LOC128462377: variants seen among roughly 807,000 people sequenced by gnomAD.
At chr16:89,366,160 C>T in the LOC128462377 span, among the ~76,000 whole-genome samples, 2 of 147,594 alleles carry the variant, frequency 1.4e-5, no homozygotes, top group African/African-American at 5.0e-5. Context: ...AAGACATGAT[C>T]TCATTCTTTT....
chr16:89,359,469 C>T, the LOC128462377 span, among the ~76,000 whole-genome samples: 5 of 152,192 alleles, frequency 3.3e-5, no homozygotes, highest in East Asian at 9.6e-4. Context: ...TGCAGCCCCT[C>T]GGCCCCCACT....
At chr16:89,401,100 CCTCCCCCTCCCCAGAGGGAGTCTTGTT>C in the LOC128462377 span, among the ~76,000 whole-genome samples, 1 of 148,994 alleles carries the variant, frequency 6.7e-6, no homozygotes, top group South Asian at 2.2e-4. Context: ...CCCCACCCGC[CCTCCCCCTCCCCAGAGGGAGTCTTGTT>C]CTGCTGCTCA....
chr16:89,355,865 G>A, the LOC128462377 span, among the ~76,000 whole-genome samples: 6 of 152,294 alleles, frequency 3.9e-5, no homozygotes, highest in Non-Finnish European at 4.4e-5. Flanking sequence ...CAGAGTGACC[G>A]ATGAGATAAA....
At chr16:89,330,655 A>G in the LOC128462377 span, among the ~76,000 whole-genome samples, 1 of 3,478 alleles carries the variant, frequency 2.9e-4, no homozygotes, top group Non-Finnish European at 6.1e-4. Flanking sequence ...CAGTACAGTG[A>G]CTGGGGGGGG....
chr16:89,357,363 G>A, the LOC128462377 span, among the ~76,000 whole-genome samples: 1 of 152,146 alleles, frequency 6.6e-6, no homozygotes, highest in Non-Finnish European at 1.5e-5. Flanking sequence ...CACCTCACAG[G>A]GAACCAGGGG....
chr16:89,406,225 G>T, the LOC128462377 span, among the ~76,000 whole-genome samples: 1 of 151,996 alleles, frequency 6.6e-6, no homozygotes, highest in Non-Finnish European at 1.5e-5. Flanking sequence ...TTGGTGCTGT[G>T]AGCAAGGGGC....
the LOC128462377 span, among the ~76,000 whole-genome samples, chr16:89,355,811 C>T: frequency 1.3e-5 from 2 of 152,324 alleles, no homozygotes; most frequent in East Asian, 1.9e-4. Context: ...CGGCGGTTCA[C>T]GGCAAGGGTC....
the LOC128462377 span, among the ~76,000 whole-genome samples, chr16:89,334,169 A>AAAAC: frequency 2.2e-4 from 24 of 107,356 alleles, 5 homozygotes; most frequent in Admixed American, 5.9e-4. Flanking sequence ...AAAAAAAAAA[A>AAAAC]AAAACAGAGA....
chr16:89,333,712 T>C, the LOC128462377 span, among the ~76,000 whole-genome samples: 2 of 152,216 alleles, frequency 1.3e-5, no homozygotes, highest in African/African-American at 2.4e-5. Flanking sequence ...TGGACCTTGG[T>C]TGACTGATCC....
the LOC128462377 span, among the ~76,000 whole-genome samples, chr16:89,374,052 CG>C: frequency 6.6e-6 from 1 of 152,218 alleles, no homozygotes; most frequent in African/African-American, 2.4e-5. Flanking sequence ...GGAGACAACA[CG>C]CAAGTGTGAG....
At chr16:89,372,354 G>A in the LOC128462377 span, among the ~76,000 whole-genome samples, 16 of 152,166 alleles carry the variant, frequency 1.1e-4, no homozygotes, top group African/African-American at 3.6e-4. Flanking sequence ...GCCTGCCGCC[G>A]GTGTGGAGAG....
chr16:89,332,024 T>G, the LOC128462377 span, among the ~76,000 whole-genome samples: 2 of 152,114 alleles, frequency 1.3e-5, no homozygotes, highest in Non-Finnish European at 2.9e-5. Flanking sequence ...CAGTGGCTGA[T>G]GCCTCTAATC....
the LOC128462377 span, among the ~76,000 whole-genome samples, chr16:89,340,721 G>C: frequency 6.6e-6 from 1 of 152,170 alleles, no homozygotes; most frequent in Non-Finnish European, 1.5e-5. Context: ...ATAAACTCAA[G>C]TGCTAACAGG....
At chr16:89,379,696 G>C in the LOC128462377 span, among the ~76,000 whole-genome samples, 32 of 152,354 alleles carry the variant, frequency 2.1e-4, no homozygotes, top group South Asian at 6.4e-3. Flanking sequence ...AAGCAGCACG[G>C]AAGAGCTCCG....
the LOC128462377 span, among the ~76,000 whole-genome samples, chr16:89,381,017 G>C: frequency 3.9e-5 from 6 of 152,054 alleles, no homozygotes; most frequent in Admixed American, 2.0e-4. Flanking sequence ...GTAAACAATC[G>C]ATCCAAAAAG....
the LOC128462377 span, among the ~76,000 whole-genome samples, chr16:89,407,577 T>C: frequency 6.6e-6 from 1 of 152,132 alleles, no homozygotes; most frequent in Non-Finnish European, 1.5e-5. Context: ...TCCAAGCACT[T>C]TGGGAGGCCG....
the LOC128462377 span, among the ~76,000 whole-genome samples, chr16:89,370,255 G>A: frequency 1.9e-4 from 29 of 152,354 alleles, no homozygotes; most frequent in East Asian, 4.8e-3. Context: ...TGGCCAGCCT[G>A]CACTTTAGTG....
the LOC128462377 span, among the ~76,000 whole-genome samples, chr16:89,416,548 T>C: frequency 6.6e-6 from 1 of 152,170 alleles, no homozygotes; most frequent in Non-Finnish European, 1.5e-5. Flanking sequence ...TCCACCCACC[T>C]TGACATCTCA....
At chr16:89,336,289 A>T in the LOC128462377 span, among the ~76,000 whole-genome samples, 1 of 152,180 alleles carries the variant, frequency 6.6e-6, no homozygotes, top group Non-Finnish European at 1.5e-5. Flanking sequence ...GCCGGGGAGC[A>T]GCCACCAAAT....
Sources: gnomAD v4.1 joint callset for allele counts (sites outside exome capture counted in the v4.1 genomes callset) on GRCh38, gnomAD v4.1.1 for gene constraint, MANE v1.5 for transcripts.